The following SGCZ variants were observed in gnomAD, a reference collection of about 807,000 sequenced individuals.
SGCZ encodes the protein zeta-sarcoglycan.
In SGCZ, 40 loss-of-function variants were observed where a neutral mutation model predicts 41.3. The observed-to-expected ratio is 0.97, with a 90% CI of 0.75 to 1.26. The LOEUF is 1.26. Among genes scored for constraint, SGCZ ranks in the 50% most tolerant of loss-of-function variants. The pLI is 0.00. For missense variants in SGCZ, 552 were observed against 369.8 expected (o/e 1.49, Z -4.04); for synonymous variants, 206 against 137.5 (o/e 1.50, Z -3.49).
intron 3 of SGCZ, among the ~76,000 whole-genome samples, chr8:14,272,055 G>C (rs1800083463): frequency 6.6e-6 from 1 of 152,136 alleles, no homozygotes; most frequent in Non-Finnish European, 1.5e-5. Flanking sequence ...CCATGCTGGA[G>C]TTCAGTGGCA....
intron 1 of SGCZ, among the ~76,000 whole-genome samples, chr8:14,940,988 T>A (rs1230811388): frequency 6.6e-6 from 1 of 151,738 alleles, no homozygotes; most frequent in Non-Finnish European, 1.5e-5. Flanking sequence ...AAAAAGCAAA[T>A]CTCTAATAAA....
intron 1 of SGCZ, among the ~76,000 whole-genome samples, chr8:15,192,740 C>T (rs1389062295): frequency 6.6e-6 from 1 of 152,090 alleles, no homozygotes; most frequent in East Asian, 1.9e-4. Context: ...CCACTGAAGT[C>T]TTCTGCCCCA....
intron 1 of SGCZ, among the ~76,000 whole-genome samples, chr8:14,808,400 A>G (rs915188891): frequency 1.3e-5 from 2 of 152,024 alleles, no homozygotes; most frequent in African/African-American, 4.8e-5. Context: ...AAAACAAACA[A>G]CCCCATCAAA....
At chr8:14,687,169 A>ATATAT (rs1315442922) in intron 1 of SGCZ, among the ~76,000 whole-genome samples, 7 of 127,052 alleles carry the variant, frequency 5.5e-5, no homozygotes, top group Non-Finnish European at 3.6e-5. Flanking sequence ...AAAGAAAAAA[A>ATATAT]AAATATATAT....
chr8:14,616,242 C>CA (rs1364228555), intron 1 of SGCZ, among the ~76,000 whole-genome samples: 9 of 150,194 alleles, frequency 6.0e-5, no homozygotes, highest in Non-Finnish European at 1.3e-4. Context: ...GAGATCGCAT[C>CA]ACTGCACTCC....
intron 2 of SGCZ, among the ~76,000 whole-genome samples, chr8:14,341,897 C>A (rs1802722717): frequency 6.6e-6 from 1 of 152,110 alleles, no homozygotes; most frequent in Non-Finnish European, 1.5e-5. Flanking sequence ...CTTTTTCTTC[C>A]CAGCTTCAGG....
intron 1 of SGCZ, among the ~76,000 whole-genome samples, chr8:14,746,530 C>G (rs1479443851): frequency 1.3e-5 from 2 of 152,126 alleles, no homozygotes; most frequent in African/African-American, 4.8e-5. Flanking sequence ...TCCCCTCCCA[C>G]TCTCTATCTC....
At chr8:14,779,739 G>A (rs1800526866) in intron 1 of SGCZ, among the ~76,000 whole-genome samples, 1 of 152,120 alleles carries the variant, frequency 6.6e-6, no homozygotes, top group African/African-American at 2.4e-5. Context: ...AGTTGGTGTG[G>A]GTGAAGCAAA....
intron 4 of SGCZ, among the ~76,000 whole-genome samples, chr8:14,200,897 G>A (rs1805434652): frequency 6.6e-6 from 1 of 152,042 alleles, no homozygotes. Context: ...TTACATATCT[G>A]ATAAACTTGG....
chr8:14,549,892 T>C (rs1803747387), intron 2 of SGCZ, among the ~76,000 whole-genome samples: 1 of 151,916 alleles, frequency 6.6e-6, no homozygotes, highest in African/African-American at 2.4e-5. Context: ...TTAGTTTAGA[T>C]GGGAATTAAT....
At chr8:15,021,674 C>T (rs964261783) in intron 1 of SGCZ, among the ~76,000 whole-genome samples, 1 of 152,004 alleles carries the variant, frequency 6.6e-6, no homozygotes, top group Non-Finnish European at 1.5e-5. Flanking sequence ...TATGGTTTCT[C>T]ACCACAGGAT....
At chr8:14,616,741 A>C (rs1806118570) in intron 1 of SGCZ, among the ~76,000 whole-genome samples, 1 of 152,156 alleles carries the variant, frequency 6.6e-6, no homozygotes, top group South Asian at 2.1e-4. Flanking sequence ...ATCCCAATTT[A>C]AAACCTTGAA....
chr8:14,959,334 G>C (rs1800890498), intron 1 of SGCZ, among the ~76,000 whole-genome samples: 1 of 152,030 alleles, frequency 6.6e-6, no homozygotes, highest in Admixed American at 6.6e-5. Flanking sequence ...TCTTTGGTTG[G>C]TTGGTTGTTT....
At chr8:15,205,963 T>A (rs956746747) in intron 1 of SGCZ, among the ~76,000 whole-genome samples, 31 of 152,166 alleles carry the variant, frequency 2.0e-4, no homozygotes, top group Admixed American at 5.9e-4. Flanking sequence ...GAGGCTACTA[T>A]CCTCAGCAAA....
At chr8:15,234,722 C>G (rs1014064435) in intron 1 of SGCZ, among the ~76,000 whole-genome samples, 1 of 152,112 alleles carries the variant, frequency 6.6e-6, no homozygotes, top group Admixed American at 6.6e-5. Flanking sequence ...CTGCACAGCA[C>G]ATTTTAAAAA....
At chr8:15,147,713 G>T (rs889698848) in intron 1 of SGCZ, among the ~76,000 whole-genome samples, 1 of 152,222 alleles carries the variant, frequency 6.6e-6, no homozygotes, top group Non-Finnish European at 1.5e-5. Flanking sequence ...GAGAGGAGGG[G>T]AGAAGGCCCA....
intron 1 of SGCZ, among the ~76,000 whole-genome samples, chr8:14,916,099 C>T (rs143780133): frequency 5.3e-5 from 8 of 152,200 alleles, no homozygotes; most frequent in Admixed American, 3.3e-4. Flanking sequence ...AGTAGTACCA[C>T]CTATATAAGA....
chr8:14,731,250 C>A (rs1810229662), intron 1 of SGCZ, among the ~76,000 whole-genome samples: 1 of 150,022 alleles, frequency 6.7e-6, no homozygotes, highest in Non-Finnish European at 1.5e-5. Context: ...ATGGATGAAG[C>A]TGGAAACCAT....
At chr8:14,328,777 T>C (rs1420492494) in intron 2 of SGCZ, among the ~76,000 whole-genome samples, 2 of 152,196 alleles carry the variant, frequency 1.3e-5, no homozygotes, top group Non-Finnish European at 2.9e-5. Context: ...TGTGATAGTA[T>C]TAAGAGGTGG....
Sources: allele counts gnomAD v4.1 joint callset (sites outside exome capture counted in the v4.1 genomes callset), GRCh38; gene constraint gnomAD v4.1.1; transcripts MANE v1.5; gene names NCBI Gene and HGNC (gene_info 2026-07-23, HGNC 2026-07-21).